LNPK: variants seen among roughly 807,000 people sequenced by gnomAD.
The protein encoded by LNPK is lunapark, ER junction formation factor.
LNPK carries 29 observed loss-of-function variants against 55.2 expected under a neutral mutation model. That is an observed-to-expected ratio of 0.53 (90% CI 0.39 to 0.72). LNPK has a LOEUF of 0.72. LNPK is among the 30% of genes least tolerant of loss of function. The pLI is 0.00. For missense variants in LNPK, 467 were observed against 494.8 expected, an observed-to-expected ratio of 0.94 and a Z score of 0.53; for synonymous variants, 162 against 168.2, an observed-to-expected ratio of 0.96 and a Z score of 0.29.
chr2:175,936,034 T>C (rs1684529528), intron 12 of LNPK, among the ~76,000 whole-genome samples: 1 of 152,168 alleles, frequency 6.6e-6, no homozygotes, highest in African/African-American at 2.4e-5. Flanking sequence ...ATGAAATCCT[T>C]TAATTTTCAG....
intron 9 of LNPK, among the ~76,000 whole-genome samples, chr2:175,940,307 C>G (rs911078286): frequency 6.6e-6 from 1 of 151,546 alleles, no homozygotes; most frequent in Middle Eastern, 3.4e-3. Context: ...ATTGAGTTCA[C>G]AAGAAAGGGT....
intron 2 of LNPK, chr2:175,994,014 T>C (rs1450144207): frequency 4.7e-6 from 1 of 212,318 alleles, no homozygotes; most frequent in Admixed American, 6.5e-5. Context: ...CAGATCAGAT[T>C]TTAAAAGGAC....
chr2:175,929,764 TCTTA>T lies in LNPK; in HGVS notation c.*199_*202del. ...GTGGGTCTTTGTACATTCAAAAGGA[TCTTA>T]CTTCACTGATATAACTTGCTTTTAA... On this transcript the variant is annotated 3_prime_UTR_variant, in exon 13 of 13. Coordinates refer to ENST00000272748, the MANE Select transcript of LNPK (RefSeq NM_030650.3). The T allele has an allele frequency of 7.1e-7, 1 of 1,411,276 alleles. No individual in the cohort carries two copies. The highest frequency in any genetic ancestry group is 9.2e-7 in the Non-Finnish European group (1 of 1,087,396). 87.4% of individuals were successfully genotyped at this position (1,411,276 alleles called of 1,614,324 possible).
chr2:175,934,884 T>C (rs1266790959), intron 12 of LNPK, among the ~76,000 whole-genome samples: 1 of 152,032 alleles, frequency 6.6e-6, no homozygotes, highest in Non-Finnish European at 1.5e-5. Context: ...ATATTCCAGG[T>C]ATTCAGGTGA....
intron 8 of LNPK, among the ~76,000 whole-genome samples, chr2:175,961,617 G>A (rs542943693): frequency 6.6e-6 from 1 of 152,258 alleles, no homozygotes; most frequent in South Asian, 2.1e-4. Context: ...GCAAAAACTG[G>A]AAGCATTCCC....
At chr2:175,950,391 A>G (rs1685337923) in intron 8 of LNPK, among the ~76,000 whole-genome samples, 1 of 152,070 alleles carries the variant, frequency 6.6e-6, no homozygotes, top group African/African-American at 2.4e-5. Context: ...CAAAATAGCT[A>G]GAAGAGAAGA....
chr2:175,999,419 T>C (rs1169872541), intron 1 of LNPK, among the ~76,000 whole-genome samples: 2 of 152,200 alleles, frequency 1.3e-5, no homozygotes, highest in African/African-American at 4.8e-5. Context: ...CCCTTAAATG[T>C]TGAAAGACTT....
At chr2:175,952,984 A>T (rs1174475187) in intron 8 of LNPK, among the ~76,000 whole-genome samples, 1 of 152,170 alleles carries the variant, frequency 6.6e-6, no homozygotes, top group Non-Finnish European at 1.5e-5. Flanking sequence ...TCAAAAGAAG[A>T]AACCAAAGTT....
At chr2:176,000,622 T>C (rs1438424985) in intron 1 of LNPK, among the ~76,000 whole-genome samples, 13 of 152,200 alleles carry the variant, frequency 8.5e-5, no homozygotes, top group African/African-American at 2.7e-4. Context: ...TAAATAACCT[T>C]GTAGGTCTTT....
chr2:175,949,578 A>C (rs1228554731), intron 8 of LNPK, among the ~76,000 whole-genome samples: 1 of 152,080 alleles, frequency 6.6e-6, no homozygotes, highest in African/African-American at 2.4e-5. Context: ...ACTTGAGACT[A>C]CTTCCTCTAA....
intron 9 of LNPK, among the ~76,000 whole-genome samples, chr2:175,940,820 T>C (rs1465305927): frequency 6.6e-6 from 1 of 152,046 alleles, no homozygotes; most frequent in African/African-American, 2.4e-5. Context: ...AATGTAAAAC[T>C]TAAAACCAAA....
intron 1 of LNPK, among the ~76,000 whole-genome samples, chr2:175,998,755 T>C (rs1688054488): frequency 6.6e-6 from 1 of 152,222 alleles, no homozygotes; most frequent in Non-Finnish European, 1.5e-5. Flanking sequence ...TGTTTAAATC[T>C]GCATTAAAGA....
At position 175,925,321 on chromosome 2, in the gene LNPK, A is replaced by G. The variant is rs1683960998; in HGVS notation, c.*4646T>C. 1 of 152,210 alleles carries G rather than the reference A, an allele frequency of 6.6e-6. No homozygotes were observed. The highest frequency in any genetic ancestry group is 6.5e-5 in the Admixed American group (1 of 15,286). 9.4% of individuals were successfully genotyped at this position (152,210 alleles called of 1,614,324 possible). A position where few individuals can be genotyped will look rare whatever the true frequency, so the allele number is the denominator to read the frequency against. ...GCAAAATTTCCAAACTTGGGTTCCA[A>G]GTGGAACGATTCCAATTCAATTAAA... On this transcript the variant is annotated 3_prime_UTR_variant, in exon 13 of 13. Transcript: ENST00000272748.
At chr2:175,995,433 GAA>G (rs1320721430) in intron 2 of LNPK, 123 bp downstream of exon 2, 24 of 613,208 alleles carry the variant, frequency 3.9e-5, no homozygotes, top group Non-Finnish European at 6.2e-5. Context: ...CAAAAGAGAA[GAA>G]AAAAGTTAAG....
At chr2:175,978,873 A>C (rs1381596140) in intron 5 of LNPK, among the ~76,000 whole-genome samples, 2 of 152,198 alleles carry the variant, frequency 1.3e-5, no homozygotes, top group Non-Finnish European at 2.9e-5. Context: ...AAAAGGGTCA[A>C]GAGTGTCAGC....
chr2:175,986,940 A>C (rs1312253985), intron 4 of LNPK, among the ~76,000 whole-genome samples: 3 of 151,946 alleles, frequency 2.0e-5, no homozygotes. Context: ...ATAATTAGCC[A>C]AGAGAAAAAA....
rs141241763 is a variant in LNPK, at chr2:175,992,428, G to C, written c.70-10C>G. On this transcript the variant is annotated splice_polypyrimidine_tract_variant and intron_variant, in intron 3 of 12. Transcript: ENST00000272748. ...CCAATGCTTGAATTTCCTGTTAAGAGAAAATTATTCCATGTTAGTAAATTT... is the reference window on the plus strand; with the variant it reads ...CCAATGCTTGAATTTCCTGTTAAGACAAAATTATTCCATGTTAGTAAATTT... 0.02 allele frequency: 29,097 copies of C among 1,442,826 alleles called. 338 individuals carry two copies. The highest frequency in any genetic ancestry group is 0.022 in the Non-Finnish European group (24,310 of 1,081,074). The allele number at this position is 1,442,826 out of a possible 1,614,324, so 89.4% of individuals were successfully genotyped here. A position where few individuals can be genotyped will look rare whatever the true frequency, so the allele number is the denominator to read the frequency against.
At position 175,941,848 on chromosome 2, in the gene LNPK, A is replaced by C. The variant is rs573286487; in HGVS notation, c.707-2191T>G. On this transcript the variant is annotated intron_variant, in intron 9 of 12. Transcript: ENST00000272748. Reference sequence around the variant, plus strand: ...GAGAGAGAGAAATCTTAAAAAAAAAAAACAAAAAAAAAATACATTATGTAC... The same window carrying C: ...GAGAGAGAGAAATCTTAAAAAAAAACAACAAAAAAAAAATACATTATGTAC... Among the ~76,000 whole-genome samples the C allele has an allele frequency of 1.1e-3, 149 of 137,620 alleles. 3 individuals are homozygous for C. In the South Asian group the frequency reaches 0.013, roughly 12 times the overall value. The allele number at this position is 137,620 out of a possible 152,430, so 90.3% of individuals were successfully genotyped here.
chr2:176,002,321 GGCGCCGCGGTCGGCGC>G (rs1165188344), upstream of LNPK: 2 of 427,538 alleles, frequency 4.7e-6, no homozygotes, highest in African/African-American at 2.1e-5. Context: ...CTCGCCAATT[GGCGCCGCGGTCGGCGC>G]GCGCCGCTCC....
Sources: gnomAD v4.1 joint callset for allele counts (sites outside exome capture counted in the v4.1 genomes callset) on GRCh38, gnomAD v4.1.1 for gene constraint, MANE v1.5 for transcripts, NCBI Gene and HGNC (gene_info 2026-07-23, HGNC 2026-07-21) for gene names.